THSD7A: variants seen among roughly 807,000 people sequenced by gnomAD.
THSD7A encodes the protein thrombospondin type 1 domain containing 7A, also known as thrombospondin type-1 domain-containing protein 7A.
Under a neutral mutation model 231.3 loss-of-function variants are expected in THSD7A, and 96 were observed. The ratio of observed to expected loss-of-function variants is 0.41; its 90% CI spans 0.35 to 0.49. The LOEUF (loss-of-function observed/expected upper bound fraction) is 0.49. Among genes scored for constraint, THSD7A ranks in the 20% least tolerant of loss-of-function variants. The pLI, the probability that THSD7A is intolerant of heterozygous loss-of-function variation, is 0.05. For synonymous variants in THSD7A, 940 were observed against 743.3 expected, an observed-to-expected ratio of 1.26 and a Z score of -4.30; for missense variants, 2,290 against 2,070.2, an observed-to-expected ratio of 1.11 and a Z score of -2.06.
chr7:11,380,650 A>C (rs1782475597), intron 24 of THSD7A, among the ~76,000 whole-genome samples: 1 of 152,136 alleles, frequency 6.6e-6, no homozygotes, highest in South Asian at 2.1e-4. Context: ...CACACACACA[A>C]AGCAGTATTT....
chr7:11,452,347 C>T lies in THSD7A; in HGVS notation c.2606-4923G>A, dbSNP rs149401677. On this transcript the variant is annotated intron_variant, in intron 11 of 27. Coordinates refer to ENST00000423059, the MANE Select transcript of THSD7A (RefSeq NM_015204.3). ...AATCCAAGAGGGCTCCAGTTGTTTACTAGGTAGATATAATGATCCTGGTCT... is the reference window on the plus strand; with the variant it reads ...AATCCAAGAGGGCTCCAGTTGTTTATTAGGTAGATATAATGATCCTGGTCT... 3.1e-4 allele frequency among the ~76,000 whole-genome samples: 47 copies of T among 152,060 alleles called. No individual in the cohort carries two copies. The East Asian group carries it at 8.0e-3, about 26-fold the overall frequency.
intron 6 of THSD7A, among the ~76,000 whole-genome samples, chr7:11,518,369 G>C (rs1583892188): frequency 1.3e-5 from 2 of 152,248 alleles, no homozygotes; most frequent in African/African-American, 4.8e-5. Flanking sequence ...GGCTTTAAAG[G>C]AATGGGTAGA....
At chr7:11,541,355 G>A in intron 6 of THSD7A, 64 bp downstream of exon 6, 1 of 1,496,718 alleles carries the variant, frequency 6.7e-7, no homozygotes, top group Non-Finnish European at 9.2e-7. Flanking sequence ...GATTTTAACA[G>A]AAAGTAAAAA....
At chr7:11,436,151 A>T (rs1784625285) in intron 13 of THSD7A, among the ~76,000 whole-genome samples, 1 of 152,054 alleles carries the variant, frequency 6.6e-6, no homozygotes, top group Non-Finnish European at 1.5e-5. Flanking sequence ...TCAGATGCAG[A>T]GTTTAAAAAC....
chr7:11,501,161 A>T (rs1787320991), intron 6 of THSD7A, among the ~76,000 whole-genome samples: 1 of 151,928 alleles, frequency 6.6e-6, no homozygotes, highest in Non-Finnish European at 1.5e-5. Flanking sequence ...AGAGACATAG[A>T]CTCCCCACAC....
intron 1 of THSD7A, among the ~76,000 whole-genome samples, chr7:11,769,145 A>ATTTTTTT (rs1333399771): frequency 1.9e-4 from 7 of 36,002 alleles, no homozygotes; most frequent in Admixed American, 7.6e-4. Flanking sequence ...ATATATATAT[A>ATTTTTTT]TATATATATT....
At chr7:11,620,304 C>T (rs143136002) in intron 2 of THSD7A, among the ~76,000 whole-genome samples, 171 of 152,178 alleles carry the variant, frequency 1.1e-3, no homozygotes, top group Middle Eastern at 3.4e-3. Flanking sequence ...ATTTCACAAA[C>T]ACTTTAAAAA....
chr7:11,563,552 G>A (rs1382541312), intron 4 of THSD7A, among the ~76,000 whole-genome samples: 1 of 152,010 alleles, frequency 6.6e-6, no homozygotes, highest in Admixed American at 6.6e-5. Flanking sequence ...AGTAGAGACA[G>A]GGTTTCACCA....
At chr7:11,568,290 G>T (rs1229555176) in intron 4 of THSD7A, among the ~76,000 whole-genome samples, 1 of 151,866 alleles carries the variant, frequency 6.6e-6, no homozygotes. Context: ...TCACTCTGCT[G>T]ACCTTCTGCA....
At chr7:11,753,544 TTCTCTCTC>T (rs35547018) in intron 1 of THSD7A, among the ~76,000 whole-genome samples, 110 of 141,820 alleles carry the variant, frequency 7.8e-4, no homozygotes, top group African/African-American at 2.4e-3. Flanking sequence ...ATGCAGCCCT[TTCTCTCTC>T]TCTCTCTCTC....
chr7:11,752,752 CA>C (rs1782542948), intron 1 of THSD7A, among the ~76,000 whole-genome samples: 1 of 151,880 alleles, frequency 6.6e-6, no homozygotes, highest in African/African-American at 2.4e-5. Flanking sequence ...ATCAGCTCTC[CA>C]AAAAATAAAT....
At chr7:11,572,479 C>A (rs780348358) in intron 4 of THSD7A, among the ~76,000 whole-genome samples, 3 of 152,128 alleles carry the variant, frequency 2.0e-5, no homozygotes, top group African/African-American at 2.4e-5. Context: ...CCCCAAGACA[C>A]TCTTTTCCTT....
chr7:11,687,387 T>C (rs531074900), intron 1 of THSD7A, among the ~76,000 whole-genome samples: 4 of 152,080 alleles, frequency 2.6e-5, no homozygotes, highest in African/African-American at 9.6e-5. Context: ...ATTAGTCATC[T>C]ATGGGTTGAT....
chr7:11,742,125 A>G (rs1436048834), intron 1 of THSD7A, among the ~76,000 whole-genome samples: 1 of 151,906 alleles, frequency 6.6e-6, no homozygotes, highest in Non-Finnish European at 1.5e-5. Flanking sequence ...GTAAAATCAA[A>G]GCTGAATCTT....
At chr7:11,698,425 A>G (rs1263196616) in intron 1 of THSD7A, among the ~76,000 whole-genome samples, 9 of 151,284 alleles carry the variant, frequency 5.9e-5, no homozygotes, top group Admixed American at 4.6e-4. Context: ...AGGAGACAAG[A>G]CCCTCTAGGG....
chr7:11,466,758 A>G (rs1785722869), intron 9 of THSD7A, among the ~76,000 whole-genome samples: 1 of 152,054 alleles, frequency 6.6e-6, no homozygotes, highest in Non-Finnish European at 1.5e-5. Context: ...CTTCTAAGAG[A>G]GCCGATTCCC....
intron 1 of THSD7A, among the ~76,000 whole-genome samples, chr7:11,686,041 C>T (rs954455147): frequency 9.9e-5 from 15 of 151,700 alleles, no homozygotes; most frequent in African/African-American, 2.9e-4. Flanking sequence ...ACCATAAAAG[C>T]GGAATCATGT....
At chr7:11,597,046 T>G (rs557512307) in intron 2 of THSD7A, among the ~76,000 whole-genome samples, 2 of 152,372 alleles carry the variant, frequency 1.3e-5, no homozygotes, top group South Asian at 2.1e-4. Context: ...AGTATCACAC[T>G]GGTCCATTAC....
Position 11,831,755 on chromosome 7 carries a change from A to G in THSD7A, c.190+2T>C. On this transcript the variant is annotated splice_donor_variant, in intron 1 of 27. Coordinates refer to ENST00000423059, the MANE Select transcript of THSD7A (RefSeq NM_015204.3). LOFTEE classifies it high-confidence loss of function. The surrounding 1 kb of genome is among the most constrained non-coding windows in gnomAD (Gnocchi z 5.0). The stretch of plus-strand genomic sequence containing the variant: ...GGGAAAGGGTAACTCCGTCCCACTT[A>G]CCAGTCTTCCACAGATAGAGGGTGG... The G allele has an allele frequency of 6.8e-7, 1 of 1,461,550 alleles. No individual in the cohort carries two copies. The highest frequency in any genetic ancestry group is 1.5e-5 in the South Asian group (1 of 68,084). 90.5% of individuals were successfully genotyped at this position (1,461,550 alleles called of 1,614,324 possible).
Sources: allele counts gnomAD v4.1 joint callset (sites outside exome capture counted in the v4.1 genomes callset), GRCh38; gene constraint gnomAD v4.1.1; non-coding constraint Gnocchi (gnomAD v3.1); transcripts MANE v1.5; gene names NCBI Gene and HGNC (gene_info 2026-07-23, HGNC 2026-07-21).